Variants in NRDE2 observed in about 807,000 individuals in gnomAD.
The protein encoded by NRDE2 is nuclear exosome regulator NRDE2.
A neutral mutation model predicts 124.2 loss-of-function variants in NRDE2; 76 were observed. The observed-to-expected ratio is 0.61, with a 90% CI of 0.51 to 0.74. The LOEUF is 0.74. Among genes scored for constraint, NRDE2 ranks in the 30% least tolerant of loss-of-function variants. The pLI is 0.00. For synonymous variants in NRDE2, 489 were observed against 528.1 expected, an observed-to-expected ratio of 0.93 and a Z score of 1.01; for missense variants, 1,314 against 1,417.3, an observed-to-expected ratio of 0.93 and a Z score of 1.17.
At position 90,290,347 on chromosome 14, in the gene NRDE2, C is replaced by T. The variant is rs888725242; in HGVS notation, c.2103G>A (p.Trp701Ter). The T allele has an allele frequency of 6.2e-7, 1 of 1,613,992 alleles. No homozygotes were observed. The highest frequency in any genetic ancestry group is 1.3e-5 in the African/African-American group (1 of 74,924). Residue 701 changes from tryptophan (W) to a stop codon, truncating the protein, a stop_gained, in exon 10 of 14, where the codon TGG (tryptophan) becomes TGA (stop). Transcript: ENST00000354366. LOFTEE classifies it high-confidence loss of function. Reference protein sequence around the residue: ...GRMDRLGYPRWTRGQNREGEE... With the variant: ...GRMDRLGYPR Reference sequence around the variant, plus strand: ...CGCCCTCTCGGTTCTGACCCCTGGTCCAGCGAGGATAGCCCAACCTATCCA... The same window carrying T: ...CGCCCTCTCGGTTCTGACCCCTGGTTCAGCGAGGATAGCCCAACCTATCCA...
Position 90,286,382 on chromosome 14 carries a change from A to C in NRDE2, c.3269T>G (p.Leu1090Trp), listed in dbSNP as rs1892102076. 6.2e-7 allele frequency: 1 copy of C among 1,613,982 alleles called. No individual in the cohort carries two copies. Among genetic ancestry groups the C allele is most frequent in the African/African-American group, 1.3e-5 (1 of 74,942 alleles). Residue 1090 changes from leucine (L) to tryptophan (W), a missense_variant, in exon 12 of 14, where the codon TTG becomes TGG. Leu to Trp is a moderately conservative substitution (Grantham distance 61). Transcript: ENST00000354366. Reference sequence around the variant, plus strand: ...AAAGTTCAAATACATCCTCCACAGCAAGGGGCACTGGCTGCCACTGTCGCT... The same window carrying C: ...AAAGTTCAAATACATCCTCCACAGCCAGGGGCACTGGCTGCCACTGTCGCT... ...MRSDSGSQCP[L>W]LWRMYLNFLV...
chr14:90,324,748 C>T (rs891827905), intron 1 of NRDE2, among the ~76,000 whole-genome samples: 1 of 151,358 alleles, frequency 6.6e-6, no homozygotes, highest in African/African-American at 2.4e-5. Context: ...CTGTGACTTA[C>T]TAACCATGTG....
chr14:90,325,063 A>C (rs1465063757), intron 1 of NRDE2, among the ~76,000 whole-genome samples: 5 of 152,078 alleles, frequency 3.3e-5, no homozygotes, highest in Non-Finnish European at 5.9e-5. Context: ...GGACTTTCAG[A>C]GTTGTTTGGA....
At position 90,304,276 on chromosome 14, in the gene NRDE2, G is replaced by A. The variant is rs763040101; in HGVS notation, c.664C>T (p.Arg222Cys). The A allele has an allele frequency of 4.4e-5, 71 of 1,613,920 alleles. No individual in the cohort carries two copies. The highest frequency in any genetic ancestry group is 5.4e-5 in the Non-Finnish European group (64 of 1,179,990). The change falls in exon 5 of 14, where the codon CGC (arginine) becomes TGC (cysteine). Residue 222 changes from arginine (R) to cysteine (C), a missense_variant. Arg to Cys is a radical substitution (Grantham distance 180, BLOSUM62 -3). Coordinates refer to ENST00000354366, the MANE Select transcript of NRDE2 (RefSeq NM_017970.4). ...EKKHSRKQVE[R>C]YFTKKSVGLM... is the part of the protein sequence containing the mutation. ...CCCACACTCTTCTTAGTAAAATAGC[G>A]TTCAACCTGCTTGCGTGAATGCTTC...
At chr14:90,320,677 C>T (rs998914896) in intron 1 of NRDE2, among the ~76,000 whole-genome samples, 1 of 152,070 alleles carries the variant, frequency 6.6e-6, no homozygotes, top group African/African-American at 2.4e-5. Context: ...AGGAAAATCC[C>T]AAAGAAAGAA....
At chr14:90,290,135 G>A in intron 10 of NRDE2, 86 bp downstream of exon 10, 2 of 1,406,958 alleles carry the variant, frequency 1.4e-6, no homozygotes, top group Non-Finnish European at 1.9e-6. Flanking sequence ...GTTCCAGGGA[G>A]AGCACTCGGA....
chr14:90,321,650 GAC>G (rs1335338895), intron 1 of NRDE2, among the ~76,000 whole-genome samples: 1 of 151,640 alleles, frequency 6.6e-6, no homozygotes, highest in Non-Finnish European at 1.5e-5. Flanking sequence ...CCAATCAAAT[GAC>G]CTCCTGTGGA....
intron 2 of NRDE2, 112 bp downstream of exon 2, chr14:90,317,893 G>A (rs1885103222): frequency 1.5e-6 from 1 of 681,946 alleles, no homozygotes; most frequent in South Asian, 2.1e-5. Context: ...ATTACTTTAA[G>A]TAAGAGTTTT....
chr14:90,283,416 T>TA (rs1421507893), intron 12 of NRDE2, among the ~76,000 whole-genome samples: 4 of 152,224 alleles, frequency 2.6e-5, no homozygotes, highest in Admixed American at 6.5e-5. Context: ...CTGGGTAAGT[T>TA]AAACTGGCAA....
chr14:90,323,060 T>G (rs982736105), intron 1 of NRDE2, among the ~76,000 whole-genome samples: 4 of 152,206 alleles, frequency 2.6e-5, no homozygotes, highest in African/African-American at 9.7e-5. Flanking sequence ...ATTAACACTC[T>G]GCCATACATT....
intron 1 of NRDE2, among the ~76,000 whole-genome samples, chr14:90,324,673 C>CA (rs35515329): frequency 0.14 from 9,469 of 65,634 alleles, 547 homozygotes; most frequent in South Asian, 0.25. Context: ...GCTCCGTCTC[C>CA]AAAAAAAAAA....
chr14:90,294,491 T>C (rs1338423978), intron 8 of NRDE2, among the ~76,000 whole-genome samples: 1 of 152,070 alleles, frequency 6.6e-6, no homozygotes, highest in Non-Finnish European at 1.5e-5. Flanking sequence ...ACACACATAG[T>C]GGAGAAGTGT....
chr14:90,312,565 AGAAG>A, intron 3 of NRDE2, 22 bp from the exon 4 acceptor site: 1 of 1,613,516 alleles, frequency 6.2e-7, no homozygotes, highest in Non-Finnish European at 8.5e-7. Context: ...AGGAAGAAGA[AGAAG>A]GGAGAGGCAC....
chr14:90,287,418 G>C lies in NRDE2; in HGVS notation c.3158+799C>G, dbSNP rs1892137946. Among the ~76,000 whole-genome samples, 3 of 151,734 alleles carry C rather than the reference G, an allele frequency of 2.0e-5. No homozygotes were observed. In the South Asian group the frequency reaches 6.2e-4, roughly 31 times the overall value. ...AGATCGCTTAAGCTCAGGAGATGGAGACCAGCCTGGGCACTATGGCAAAAC... is the reference window on the plus strand; with the variant it reads ...AGATCGCTTAAGCTCAGGAGATGGACACCAGCCTGGGCACTATGGCAAAAC... On this transcript the variant is annotated intron_variant, in intron 11 of 13. Transcript: ENST00000354366.
At chr14:90,302,456 G>A (rs1884439240) in intron 6 of NRDE2, among the ~76,000 whole-genome samples, 1 of 152,180 alleles carries the variant, frequency 6.6e-6, no homozygotes, top group Non-Finnish European at 1.5e-5. Context: ...AAGCAGTTAA[G>A]AGACTTGCCT....
chr14:90,284,814 C>T (rs1015561425), intron 12 of NRDE2, among the ~76,000 whole-genome samples: 1 of 152,186 alleles, frequency 6.6e-6, no homozygotes, highest in African/African-American at 2.4e-5. Context: ...TTACAATAAA[C>T]GAGGCCCAGC....
intron 3 of NRDE2, 125 bp from the exon 4 acceptor site, chr14:90,312,668 A>G (rs1056815493): frequency 1.2e-6 from 1 of 860,758 alleles, no homozygotes; most frequent in African/African-American, 1.7e-5. Flanking sequence ...AACACACCTA[A>G]GCACATTAAA....
intron 12 of NRDE2, among the ~76,000 whole-genome samples, chr14:90,282,336 C>T (rs1891975217): frequency 6.8e-6 from 1 of 148,136 alleles, no homozygotes; most frequent in African/African-American, 2.6e-5. Context: ...AACAGCCAGG[C>T]ATGGTCGTGC....
chr14:90,304,428 T>A, intron 4 of NRDE2, 46 bp from the exon 5 acceptor site: 2 of 1,419,418 alleles, frequency 1.4e-6, no homozygotes, highest in South Asian at 2.7e-5. Flanking sequence ...ATACGTGTAC[T>A]ACCTCTGAAT....
Sources: gnomAD v4.1 joint callset for allele counts (sites outside exome capture counted in the v4.1 genomes callset) on GRCh38, gnomAD v4.1.1 for gene constraint, MANE v1.5 for transcripts, NCBI Gene and HGNC (gene_info 2026-07-23, HGNC 2026-07-21) for gene names.